The following ATRNL1 variants were observed in gnomAD, a reference collection of about 807,000 sequenced individuals.
ATRNL1 encodes the protein attractin like 1.
Under a neutral mutation model 182.7 loss-of-function variants are expected in ATRNL1, and 95 were observed. That is an observed-to-expected ratio of 0.52 (90% CI 0.44 to 0.62). ATRNL1 has a LOEUF of 0.62. Ranked by LOEUF, ATRNL1 falls within the 20% of genes least tolerant of loss-of-function variation. The pLI, the probability that ATRNL1 is intolerant of heterozygous loss-of-function variation, is 0.00. For missense variants in ATRNL1, 1,471 were observed against 1,679.5 expected (o/e 0.88, Z 2.17); for synonymous variants, 576 against 568.3 (o/e 1.01, Z -0.19).
intron 5 of ATRNL1, among the ~76,000 whole-genome samples, chr10:115,144,565 T>A (rs1845894721): frequency 6.6e-6 from 1 of 152,180 alleles, no homozygotes; most frequent in Non-Finnish European, 1.5e-5. Context: ...AATGCTGGGA[T>A]TACAGACGTG....
chr10:115,554,121 G>A (rs1554996375), intron 26 of ATRNL1, among the ~76,000 whole-genome samples: 1 of 151,524 alleles, frequency 6.6e-6, no homozygotes, highest in African/African-American at 2.4e-5. Context: ...TTAACATATA[G>A]ATAAAGCTTT....
intron 19 of ATRNL1, among the ~76,000 whole-genome samples, chr10:115,369,998 A>G (rs1285649671): frequency 1.3e-5 from 2 of 152,218 alleles, no homozygotes; most frequent in Middle Eastern, 3.2e-3. Flanking sequence ...TAATTGAATC[A>G]CAGGGGTGGA....
chr10:115,335,752 C>A (rs1416647811), intron 19 of ATRNL1, among the ~76,000 whole-genome samples: 1 of 152,188 alleles, frequency 6.6e-6, no homozygotes, highest in African/African-American at 2.4e-5. Context: ...ATTCCTAATA[C>A]AATGCCTATA....
At chr10:115,125,036 A>G (rs1467189446) in intron 3 of ATRNL1, among the ~76,000 whole-genome samples, 1 of 152,204 alleles carries the variant, frequency 6.6e-6, no homozygotes, top group Non-Finnish European at 1.5e-5. Context: ...TAGGGAGAGA[A>G]AAGCATATAT....
chr10:115,535,042 T>C (rs1487987515), intron 25 of ATRNL1, among the ~76,000 whole-genome samples: 1 of 151,788 alleles, frequency 6.6e-6, no homozygotes, highest in African/African-American at 2.4e-5. Context: ...CCCTTAACAT[T>C]TTTTCCTTCA....
intron 1 of ATRNL1, among the ~76,000 whole-genome samples, chr10:115,102,264 A>T (rs1843800302): frequency 1.3e-5 from 2 of 152,262 alleles, no homozygotes; most frequent in Non-Finnish European, 1.5e-5. Context: ...TGTTGAAAAG[A>T]CTATCCTTTT....
At chr10:115,319,641 C>CG (rs1854481481) in intron 18 of ATRNL1, among the ~76,000 whole-genome samples, 2 of 150,104 alleles carry the variant, frequency 1.3e-5, no homozygotes, top group African/African-American at 2.5e-5. Flanking sequence ...TTATGTAATG[C>CG]CTTTTTTTTT....
At position 115,261,546 on chromosome 10, in the gene ATRNL1, G is replaced by A. The variant is rs139885988; in HGVS notation, c.1688-3647G>A. Among the ~76,000 whole-genome samples, 5 of 152,240 alleles carry A rather than the reference G, an allele frequency of 3.3e-5. No individual in the cohort carries two copies. The East Asian group carries it at 9.6e-4, about 29-fold the overall frequency. ...TGCCAGATATCTTGATGTATTAGAAGATATTGAGAAGAAATGTACACATCT... is the reference window on the plus strand; with the variant it reads ...TGCCAGATATCTTGATGTATTAGAAAATATTGAGAAGAAATGTACACATCT... On this transcript the variant is annotated intron_variant, in intron 10 of 28. Transcript: ENST00000355044.
chr10:115,523,442 C>A (rs1851056404), intron 25 of ATRNL1, among the ~76,000 whole-genome samples: 1 of 152,200 alleles, frequency 6.6e-6, no homozygotes, highest in African/African-American at 2.4e-5. Flanking sequence ...TGAAAACACT[C>A]TTTCCTTCTC....
chr10:115,719,702 T>C (rs1367945385), intron 26 of ATRNL1, among the ~76,000 whole-genome samples: 1 of 152,122 alleles, frequency 6.6e-6, no homozygotes, highest in African/African-American at 2.4e-5. Flanking sequence ...ATTAGCATGA[T>C]CATCCCCCCG....
chr10:115,705,997 C>T (rs1184693190), intron 26 of ATRNL1, among the ~76,000 whole-genome samples: 1 of 151,894 alleles, frequency 6.6e-6, no homozygotes, highest in South Asian at 2.1e-4. Flanking sequence ...AGCCTCAGGC[C>T]GTCTTCCACT....
chr10:115,421,781 AT>A (rs1174523403), intron 20 of ATRNL1, among the ~76,000 whole-genome samples: 2 of 152,116 alleles, frequency 1.3e-5, no homozygotes, highest in East Asian at 3.9e-4. Context: ...TACCATGTTA[AT>A]TGACTTCAAA....
intron 28 of ATRNL1, among the ~76,000 whole-genome samples, chr10:115,941,595 A>C (rs7077143): frequency 6.6e-6 from 1 of 152,248 alleles, no homozygotes; most frequent in Non-Finnish European, 1.5e-5. Flanking sequence ...TGTTGTGATC[A>C]TTGAAATTAG....
At chr10:115,154,674 A>G (rs192685031) in intron 5 of ATRNL1, among the ~76,000 whole-genome samples, 120 of 152,192 alleles carry the variant, frequency 7.9e-4, no homozygotes, top group African/African-American at 2.8e-3. Flanking sequence ...GTAGCTGTTG[A>G]TTGAAATGTT....
chr10:115,159,834 G>A (rs1034086722), intron 5 of ATRNL1, among the ~76,000 whole-genome samples: 1 of 151,568 alleles, frequency 6.6e-6, no homozygotes, highest in African/African-American at 2.4e-5. Context: ...ATCCAAGTCC[G>A]ATTGTGAGTA....
intron 19 of ATRNL1, among the ~76,000 whole-genome samples, chr10:115,388,992 G>A (rs1554953413): frequency 6.6e-6 from 1 of 152,028 alleles, no homozygotes; most frequent in African/African-American, 2.4e-5. Context: ...CTGTCCAGTA[G>A]ATTACTAAAG....
chr10:115,800,163 G>A (rs1344624348), intron 27 of ATRNL1, among the ~76,000 whole-genome samples: 1 of 151,374 alleles, frequency 6.6e-6, no homozygotes, highest in Non-Finnish European at 1.5e-5. Flanking sequence ...GGAGGTTGAA[G>A]TTGCCAAGAT....
intron 26 of ATRNL1, among the ~76,000 whole-genome samples, chr10:115,650,383 A>G (rs1555034021): frequency 6.6e-6 from 1 of 151,944 alleles, no homozygotes; most frequent in Non-Finnish European, 1.5e-5. Flanking sequence ...TATCTGATTT[A>G]TATATAAATA....
At chr10:115,468,548 T>C (rs1848164957) in intron 23 of ATRNL1, among the ~76,000 whole-genome samples, 1 of 146,052 alleles carries the variant, frequency 6.8e-6, no homozygotes, top group South Asian at 2.2e-4. Context: ...TTTGTTCTAT[T>C]TTATTAACTT....
Sources: gnomAD v4.1 joint callset for allele counts (sites outside exome capture counted in the v4.1 genomes callset) on GRCh38, gnomAD v4.1.1 for gene constraint, MANE v1.5 for transcripts, NCBI Gene and HGNC (gene_info 2026-07-23, HGNC 2026-07-21) for gene names.